RIT2: variants seen among roughly 807,000 people sequenced by gnomAD.
RIT2 encodes GTP-binding protein Rit2.
A neutral mutation model predicts 23.7 loss-of-function variants in RIT2; 24 were observed. The ratio of observed to expected loss-of-function variants is 1.01; its 90% CI spans 0.73 to 1.43. RIT2 has a LOEUF of 1.43. Among genes scored for constraint, RIT2 ranks in the 40% most tolerant of loss-of-function variants. The pLI is 0.00. For missense variants in RIT2, 236 were observed against 266.9 expected (o/e 0.88, Z 0.81); for synonymous variants, 107 against 91.1 (o/e 1.17, Z -0.99).
intron 4 of RIT2, among the ~76,000 whole-genome samples, chr18:42,888,525 T>A (rs1239289885): frequency 1.3e-5 from 2 of 151,944 alleles, no homozygotes; most frequent in Admixed American, 6.6e-5. Context: ...ATCTGTTTTT[T>A]TTTTATTTTT....
chr18:42,952,413 C>T (rs1037107822), intron 3 of RIT2, among the ~76,000 whole-genome samples: 12 of 152,022 alleles, frequency 7.9e-5, no homozygotes, highest in African/African-American at 2.7e-4. Flanking sequence ...TCAAAAGGTA[C>T]AAAGCTTCAA....
intron 4 of RIT2, among the ~76,000 whole-genome samples, chr18:42,749,552 T>C (rs1166770482): frequency 6.6e-6 from 1 of 151,740 alleles, no homozygotes; most frequent in Non-Finnish European, 1.5e-5. Context: ...GATGTCAAAA[T>C]TTATAAAGCC....
chr18:43,079,217 T>G (rs1202166158), intron 1 of RIT2, among the ~76,000 whole-genome samples: 1 of 152,200 alleles, frequency 6.6e-6, no homozygotes, highest in Non-Finnish European at 1.5e-5. Context: ...TCACAAAGCT[T>G]GTAAAACTTA....
At chr18:42,855,035 T>G (rs529936872) in intron 4 of RIT2, among the ~76,000 whole-genome samples, 1 of 152,286 alleles carries the variant, frequency 6.6e-6, no homozygotes, top group Admixed American at 6.5e-5. Context: ...ATGATAAAAT[T>G]TAGGGAGAGT....
At chr18:43,005,142 T>C (rs1911198079) in intron 2 of RIT2, among the ~76,000 whole-genome samples, 1 of 151,848 alleles carries the variant, frequency 6.6e-6, no homozygotes. Flanking sequence ...CCTCTAATGC[T>C]TTAGCTAATT....
At chr18:43,112,666 G>A (rs969575018) in intron 1 of RIT2, among the ~76,000 whole-genome samples, 3 of 152,092 alleles carry the variant, frequency 2.0e-5, no homozygotes, top group African/African-American at 7.2e-5. Context: ...CACTTTGGGG[G>A]GCTGAGGCAG....
chr18:42,963,562 C>G (rs1910141534), intron 3 of RIT2, among the ~76,000 whole-genome samples: 1 of 152,104 alleles, frequency 6.6e-6, no homozygotes, highest in African/African-American at 2.4e-5. Context: ...TTTTATAATA[C>G]CTTTCTTTGG....
chr18:42,760,659 C>T (rs1377093077), intron 4 of RIT2, among the ~76,000 whole-genome samples: 1 of 152,138 alleles, frequency 6.6e-6, no homozygotes, highest in East Asian at 1.9e-4. Flanking sequence ...GTTGAATGAC[C>T]TTAATTGAAT....
chr18:43,040,356 C>T (rs72904968), intron 1 of RIT2, among the ~76,000 whole-genome samples: 5,400 of 152,130 alleles, frequency 0.035, 138 homozygotes, highest in South Asian at 0.12. Context: ...TTTATTAGTG[C>T]GAAAGGCAAA....
At chr18:42,863,541 T>G (rs1169232947) in intron 4 of RIT2, among the ~76,000 whole-genome samples, 1 of 152,144 alleles carries the variant, frequency 6.6e-6, no homozygotes, top group Admixed American at 6.6e-5. Context: ...ACGATCTAGA[T>G]AAGAGTAAAC....
In RIT2 at chr18:42,863,032, G is replaced by GTT. The variant is rs397858419; in HGVS notation, c.426+60538_426+60539dup. On this transcript the variant is annotated intron_variant, in intron 4 of 4. Coordinates refer to ENST00000326695, the MANE Select transcript of RIT2 (RefSeq NM_002930.4). ...GCAATTTGGGATTCACATGCCTCCT[G>GTT]TTTTTTTTTTTTTCCTCTGTCTTCA... Among the ~76,000 whole-genome samples, 415 of 143,888 alleles carry GTT rather than the reference G, an allele frequency of 2.9e-3. 5 individuals are homozygous for GTT. Among genetic ancestry groups the GTT allele is most frequent in the African/African-American group, 9.9e-3 (394 of 39,844 alleles). 94.4% of individuals were successfully genotyped at this position (143,888 alleles called of 152,430 possible).
chr18:42,998,461 C>T (rs1911035421), intron 2 of RIT2, among the ~76,000 whole-genome samples: 1 of 152,036 alleles, frequency 6.6e-6, no homozygotes, highest in Non-Finnish European at 1.5e-5. Context: ...TCTTTTTAGC[C>T]CATAAGCTAG....
chr18:42,773,752 A>G (rs981926358), intron 4 of RIT2, among the ~76,000 whole-genome samples: 1 of 152,208 alleles, frequency 6.6e-6, no homozygotes, highest in Non-Finnish European at 1.5e-5. Context: ...GAATACATCC[A>G]ATCAAGGAAG....
chr18:42,826,823 T>A (rs764240749), intron 4 of RIT2, among the ~76,000 whole-genome samples: 28 of 151,916 alleles, frequency 1.8e-4, no homozygotes, highest in Non-Finnish European at 2.7e-4. Flanking sequence ...ATATAAGTAA[T>A]GAAAATTAGA....
chr18:42,895,356 T>A (rs757292455), intron 4 of RIT2, among the ~76,000 whole-genome samples: 36 of 152,196 alleles, frequency 2.4e-4, no homozygotes, highest in Non-Finnish European at 3.4e-4. Flanking sequence ...TACACATGTA[T>A]TTTAGATTCA....
chr18:42,845,463 T>C (rs1451908324), intron 4 of RIT2, among the ~76,000 whole-genome samples: 3 of 150,538 alleles, frequency 2.0e-5, no homozygotes, highest in African/African-American at 7.3e-5. Flanking sequence ...AAAATATAGA[T>C]TTATATAGAC....
chr18:42,749,802 T>C (rs1466726698), intron 4 of RIT2, among the ~76,000 whole-genome samples: 1 of 151,806 alleles, frequency 6.6e-6, no homozygotes, highest in African/African-American at 2.4e-5. Flanking sequence ...AGACAAAAAA[T>C]TAAATTCGTG....
chr18:42,843,944 G>A (rs1469922815), intron 4 of RIT2, among the ~76,000 whole-genome samples: 1 of 152,190 alleles, frequency 6.6e-6, no homozygotes, highest in African/African-American at 2.4e-5. Context: ...ACCTATTACA[G>A]GAATAAAAGG....
At chr18:42,979,369 G>T (rs1472395388) in intron 2 of RIT2, among the ~76,000 whole-genome samples, 1 of 151,944 alleles carries the variant, frequency 6.6e-6, no homozygotes, top group Non-Finnish European at 1.5e-5. Context: ...ATCTTAAGAT[G>T]ATTGAATACT....
Sources: gnomAD v4.1 joint callset for allele counts (sites outside exome capture counted in the v4.1 genomes callset) on GRCh38, gnomAD v4.1.1 for gene constraint, MANE v1.5 for transcripts, NCBI Gene and HGNC (gene_info 2026-07-23, HGNC 2026-07-21) for gene names.